SEMA5A: variants seen among roughly 807,000 people sequenced by gnomAD.
SEMA5A encodes semaphorin 5A.
Under a neutral mutation model 135.5 loss-of-function variants are expected in SEMA5A, and 55 were observed. The observed-to-expected ratio is 0.41, with a 90% CI of 0.33 to 0.51. The LOEUF is 0.51. SEMA5A is among the 20% of genes least tolerant of loss of function. The pLI is 0.37. For missense variants in SEMA5A, 1,290 were observed against 1,419.9 expected (o/e 0.91, Z 1.47); for synonymous variants, 580 against 546.5 (o/e 1.06, Z -0.85).
chr5:9,167,446 A>G (rs888051832), intron 11 of SEMA5A, among the ~76,000 whole-genome samples: 4 of 152,206 alleles, frequency 2.6e-5, no homozygotes, highest in African/African-American at 9.6e-5. Flanking sequence ...ACTGGCTAGG[A>G]TGGAATAGTC....
At chr5:9,436,545 G>T (rs2126669210) in intron 2 of SEMA5A, among the ~76,000 whole-genome samples, 1 of 152,230 alleles carries the variant, frequency 6.6e-6, no homozygotes, top group East Asian at 1.9e-4. Flanking sequence ...GCCAGGGACT[G>T]GTAACTCATA....
chr5:9,097,163 C>A (rs1340471811), intron 16 of SEMA5A, among the ~76,000 whole-genome samples: 1 of 152,086 alleles, frequency 6.6e-6, no homozygotes, highest in Non-Finnish European at 1.5e-5. Flanking sequence ...GACAGGTACC[C>A]AGAGCATTTT....
intron 12 of SEMA5A, among the ~76,000 whole-genome samples, chr5:9,141,700 T>G (rs1320929808): frequency 1.3e-5 from 2 of 152,212 alleles, no homozygotes; most frequent in Non-Finnish European, 2.9e-5. Context: ...TCTAAAGTAT[T>G]TCTTTACATT....
chr5:9,439,610 C>G (rs1758160137), intron 1 of SEMA5A, among the ~76,000 whole-genome samples: 1 of 152,154 alleles, frequency 6.6e-6, no homozygotes, highest in African/African-American at 2.4e-5. Context: ...AAAACCACAC[C>G]TGCAGAATAT....
chr5:9,440,154 G>A (rs913671764), intron 1 of SEMA5A, among the ~76,000 whole-genome samples: 1 of 152,250 alleles, frequency 6.6e-6, no homozygotes, highest in Non-Finnish European at 1.5e-5. Flanking sequence ...TTGAGTTGGA[G>A]CCAAGCTAGA....
chr5:9,135,178 T>C (rs1003764848), intron 13 of SEMA5A, among the ~76,000 whole-genome samples: 1 of 142,264 alleles, frequency 7.0e-6, no homozygotes, highest in Non-Finnish European at 1.5e-5. Context: ...TTTCCGACTT[T>C]CTTTTTTTTT....
intron 13 of SEMA5A, among the ~76,000 whole-genome samples, chr5:9,125,608 T>C (rs1406920772): frequency 6.6e-6 from 1 of 152,010 alleles, no homozygotes; most frequent in Non-Finnish European, 1.5e-5. Context: ...TGGTTTTCTG[T>C]TAGAGCAATT....
At chr5:9,543,725 G>A (rs1444435631) in intron 1 of SEMA5A, among the ~76,000 whole-genome samples, 1 of 151,914 alleles carries the variant, frequency 6.6e-6, no homozygotes, top group Non-Finnish European at 1.5e-5. Flanking sequence ...ATGGAGCAAC[G>A]TGGATGAGCA....
chr5:9,273,426 T>A (rs1316676920), intron 5 of SEMA5A, among the ~76,000 whole-genome samples: 1 of 152,094 alleles, frequency 6.6e-6, no homozygotes. Flanking sequence ...CAGGATATTA[T>A]CTAGGAGAAC....
chr5:9,428,524 C>T (rs1002866797), intron 2 of SEMA5A, among the ~76,000 whole-genome samples: 11 of 152,134 alleles, frequency 7.2e-5, no homozygotes, highest in Non-Finnish European at 1.5e-4. Flanking sequence ...AATACCTCAC[C>T]TTCCTTTTCT....
Position 9,216,472 on chromosome 5 carries a change from G to C in SEMA5A, c.646+8202C>G, listed in dbSNP as rs1746636479. Among the ~76,000 whole-genome samples, 5 of 152,228 alleles carry C rather than the reference G, an allele frequency of 3.3e-5. No individual in the cohort carries two copies. In the South Asian group the frequency reaches 1.0e-3, roughly 32 times the overall value. ...AGAATATATGTCCTGTAGTTTTTTG[G>C]TGGAGAGTTCTGTAAATGTATATCA... On this transcript the variant is annotated intron_variant, in intron 8 of 22. Coordinates refer to ENST00000382496, the MANE Select transcript of SEMA5A (RefSeq NM_003966.3).
intron 7 of SEMA5A, among the ~76,000 whole-genome samples, chr5:9,225,389 T>TAAAAAA (rs34806769): frequency 7.0e-5 from 3 of 43,112 alleles, no homozygotes; most frequent in East Asian, 8.2e-4. Context: ...CCATCTCTAC[T>TAAAAAA]AAAAAAAAAA....
chr5:9,073,469 G>A (rs544684543), intron 16 of SEMA5A, among the ~76,000 whole-genome samples: 1 of 152,028 alleles, frequency 6.6e-6, no homozygotes, highest in Admixed American at 6.6e-5. Flanking sequence ...TCTCATGAAG[G>A]ATATCTATTA....
At chr5:9,348,486 C>T (rs1486790821) in intron 3 of SEMA5A, among the ~76,000 whole-genome samples, 1 of 152,162 alleles carries the variant, frequency 6.6e-6, no homozygotes, top group Non-Finnish European at 1.5e-5. Context: ...CTCCCTTCAA[C>T]TTTACGTGGC....
intron 11 of SEMA5A, among the ~76,000 whole-genome samples, chr5:9,184,408 G>T (rs529207612): frequency 6.6e-6 from 1 of 152,142 alleles, no homozygotes; most frequent in Admixed American, 6.5e-5. Context: ...TTATTGCAGG[G>T]TAATTTTCTC....
intron 2 of SEMA5A, among the ~76,000 whole-genome samples, chr5:9,421,559 T>C (rs1183185862): frequency 6.6e-6 from 1 of 152,252 alleles, no homozygotes; most frequent in Non-Finnish European, 1.5e-5. Flanking sequence ...GTTGTAATAC[T>C]GGGTGAAATA....
chr5:9,526,960 G>A (rs1737156100), intron 1 of SEMA5A, among the ~76,000 whole-genome samples: 1 of 152,136 alleles, frequency 6.6e-6, no homozygotes, highest in Non-Finnish European at 1.5e-5. Flanking sequence ...GATGTTAATG[G>A]TCATTATCTT....
intron 16 of SEMA5A, among the ~76,000 whole-genome samples, chr5:9,072,610 G>C (rs1282034488): frequency 6.6e-6 from 1 of 152,096 alleles, no homozygotes; most frequent in Non-Finnish European, 1.5e-5. Context: ...ATAATTCAAG[G>C]GTCATTGGTT....
chr5:9,236,571 G>A (rs1309631782), intron 6 of SEMA5A, among the ~76,000 whole-genome samples: 2 of 152,156 alleles, frequency 1.3e-5, no homozygotes, highest in South Asian at 2.1e-4. Context: ...CCCGATGTGT[G>A]GGCTTTAGAT....
Sources: gnomAD v4.1 joint callset for allele counts (sites outside exome capture counted in the v4.1 genomes callset) on GRCh38, gnomAD v4.1.1 for gene constraint, MANE v1.5 for transcripts, NCBI Gene and HGNC (gene_info 2026-07-23, HGNC 2026-07-21) for gene names.